Variants in CUX1 observed in about 807,000 individuals in gnomAD.
CUX1 encodes the protein protein CASP.
CUX1 carries 31 observed loss-of-function variants against 158.8 expected under a neutral mutation model. That is an observed-to-expected ratio of 0.20 (90% confidence interval 0.15 to 0.26). The LOEUF (loss-of-function observed/expected upper bound fraction) is 0.26. Ranked by LOEUF, CUX1 falls within the 10% of genes least tolerant of loss-of-function variation. The pLI, the probability that CUX1 is intolerant of heterozygous loss-of-function variation, is 1.00. For missense variants in CUX1, 1,589 were observed against 2,014.6 expected (o/e 0.79, Z 4.04); for synonymous variants, 879 against 862.1 (o/e 1.02, Z -0.34).
chr7:102,015,058 T>C (rs979436266), intron 2 of CUX1, among the ~76,000 whole-genome samples: 31 of 152,132 alleles, frequency 2.0e-4, no homozygotes, highest in Non-Finnish European at 4.1e-4. Context: ...CTAGTAAATA[T>C]TAATAAACAA....
intron 11 of CUX1, among the ~76,000 whole-genome samples, chr7:102,180,896 TTTTTATTTTATTTTA>T (rs781956443): frequency 1.4e-5 from 2 of 142,522 alleles, no homozygotes; most frequent in Non-Finnish European, 3.0e-5. Flanking sequence ...TTTTTTTAAA[TTTTTATTTTATTTTA>T]TTTTATTGTA....
At chr7:102,222,046 C>T (rs1449344701) in intron 20 of CUX1, among the ~76,000 whole-genome samples, 3 of 152,002 alleles carry the variant, frequency 2.0e-5, no homozygotes, top group African/African-American at 4.8e-5. Context: ...TTCGCTGGAG[C>T]CCAGGAGTTC....
chr7:102,212,630 CCCT>C (rs1223601758), intron 20 of CUX1, among the ~76,000 whole-genome samples: 13 of 152,124 alleles, frequency 8.5e-5, no homozygotes, highest in African/African-American at 2.9e-4. Context: ...CACCATCCCT[CCCT>C]CATCTTCCTG....
At chr7:102,101,968 T>C (rs1276478493) in intron 5 of CUX1, among the ~76,000 whole-genome samples, 1 of 151,910 alleles carries the variant, frequency 6.6e-6, no homozygotes, top group Non-Finnish European at 1.5e-5. Context: ...GTGTAGACCA[T>C]TGACGTAGCA....
intron 4 of CUX1, among the ~76,000 whole-genome samples, chr7:102,087,375 GT>G (rs1828054948): frequency 6.6e-6 from 1 of 152,152 alleles, no homozygotes; most frequent in Non-Finnish European, 1.5e-5. Flanking sequence ...GAGGTCAGCA[GT>G]TTTAGACCAG....
At chr7:102,270,928 C>A (rs946263952) in intron 14 of CUX1, among the ~76,000 whole-genome samples, 4 of 152,202 alleles carry the variant, frequency 2.6e-5, no homozygotes, top group Non-Finnish European at 4.4e-5. Flanking sequence ...GCACGGGGAC[C>A]AGGCCCACGC....
At chr7:101,829,669 G>A (rs944987154) in intron 1 of CUX1, among the ~76,000 whole-genome samples, 2 of 151,506 alleles carry the variant, frequency 1.3e-5, no homozygotes, top group African/African-American at 4.9e-5. Flanking sequence ...TGAGCAGCAG[G>A]GGATGGAAAT....
intron 1 of CUX1, among the ~76,000 whole-genome samples, chr7:101,818,444 T>G (rs539328624): frequency 4.7e-4 from 72 of 152,298 alleles, no homozygotes; most frequent in Non-Finnish European, 9.0e-4. Context: ...GCCTGGAAAA[T>G]GGATTTGGTT....
chr7:102,198,149 A>G (rs893595812), intron 15 of CUX1, among the ~76,000 whole-genome samples: 1 of 152,178 alleles, frequency 6.6e-6, no homozygotes, highest in Non-Finnish European at 1.5e-5. Flanking sequence ...GGTCCCAGCT[A>G]CTTGAGAGGC....
chr7:102,071,705 C>G (rs936034350), intron 4 of CUX1, among the ~76,000 whole-genome samples: 2 of 152,192 alleles, frequency 1.3e-5, no homozygotes, highest in African/African-American at 4.8e-5. Flanking sequence ...ACGGGCTTTG[C>G]TGTCCCCTCT....
intron 23 of CUX1, among the ~76,000 whole-genome samples, chr7:102,241,962 C>T (rs972058351): frequency 6.6e-6 from 1 of 152,056 alleles, no homozygotes; most frequent in Non-Finnish European, 1.5e-5. Flanking sequence ...AGAGCCAGAC[C>T]CTGTCTCAAA....
chr7:102,023,979 A>T (rs1819698054), intron 2 of CUX1, among the ~76,000 whole-genome samples: 1 of 152,228 alleles, frequency 6.6e-6, no homozygotes, highest in African/African-American at 2.4e-5. Context: ...TGCTTTATTT[A>T]AGGACATGAT....
chr7:102,110,388 A>ACT (rs140591814), intron 6 of CUX1, among the ~76,000 whole-genome samples: 1 of 151,868 alleles, frequency 6.6e-6, no homozygotes, highest in Non-Finnish European at 1.5e-5. Context: ...ATTCCACTAT[A>ACT]ATGTTACATA....
Position 102,201,748 on chromosome 7 carries a change from C to T in CUX1, c.2451C>T (p.Ser817=), listed in dbSNP as rs200033569. The change falls in exon 18 of 24, where the codon AGC becomes AGT. Residue 817 remains serine, a synonymous_variant. Coordinates refer to ENST00000292535, the MANE Select transcript of CUX1 (RefSeq NM_181552.4). This position sits in a 1 kb window ranked among gnomAD's most constrained non-coding sequence, Gnocchi z 5.0. The part of the protein sequence containing the change: ...LRQVKNEVGR[S]GAWKDHWWSA... ...AGGTGAAAAATGAGGTGGGCCGCAG[C>T]GGTGCCTGGAAGGACCACTGGTGGA... The T allele has an allele frequency of 8.5e-5, 137 of 1,612,542 alleles. 1 individual carries two copies. Among genetic ancestry groups the T allele is most frequent in the South Asian group, 7.2e-4 (66 of 91,076 alleles).
rs1224492513 is a variant in CUX1, at chr7:102,022,826, G to C, written c.142-5272G>C. Among the ~76,000 whole-genome samples the C allele has an allele frequency of 4.6e-5, 7 of 152,302 alleles. No individual in the cohort carries two copies. In the East Asian group the frequency reaches 1.3e-3, roughly 29 times the overall value. ...GTTTGTTGCTTTTTGCCCAATAGAT[G>C]GGATGGGATGGAAACAAGGTGAAAA... On this transcript the variant is annotated intron_variant, in intron 2 of 23. Coordinates refer to ENST00000292535, the MANE Select transcript of CUX1 (RefSeq NM_181552.4).
Position 102,250,256 on chromosome 7 carries a change from G to T in CUX1, c.*1214G>T, listed in dbSNP as rs1801352602. On this transcript the variant is annotated 3_prime_UTR_variant, in exon 24 of 24. Coordinates refer to ENST00000292535, the MANE Select transcript of CUX1 (RefSeq NM_181552.4). Reference sequence around the variant, plus strand: ...GTGCGTCTGCACGTGTGCAAGCATTGAAAGAAAGGAGAGAGTAGTCCGGGC... The same window carrying T: ...GTGCGTCTGCACGTGTGCAAGCATTTAAAGAAAGGAGAGAGTAGTCCGGGC... 3.0e-6 allele frequency: 3 copies of T among 985,288 alleles called. No individual in the cohort carries two copies. The highest frequency in any genetic ancestry group is 1.2e-4 in the Admixed American group (2 of 16,242). 61.0% of individuals were successfully genotyped at this position (985,288 alleles called of 1,614,324 possible). A position where few individuals can be genotyped will look rare whatever the true frequency, so the allele number is the denominator to read the frequency against.
At chr7:101,899,880 C>T (rs569774384) in intron 1 of CUX1, among the ~76,000 whole-genome samples, 8 of 152,228 alleles carry the variant, frequency 5.3e-5, no homozygotes, top group Admixed American at 1.3e-4. Context: ...CTGCCCCAGC[C>T]GAGGGCACTG....
intron 8 of CUX1, among the ~76,000 whole-genome samples, chr7:102,119,927 T>G (rs1831859163): frequency 6.6e-6 from 1 of 152,144 alleles, no homozygotes; most frequent in Non-Finnish European, 1.5e-5. Flanking sequence ...TCTTAGCAAA[T>G]GGAGATTTAC....
At chr7:102,182,146 G>A (rs373096454) in intron 11 of CUX1, among the ~76,000 whole-genome samples, 1 of 152,154 alleles carries the variant, frequency 6.6e-6, no homozygotes, top group Non-Finnish European at 1.5e-5. Flanking sequence ...CCCAGCTCTG[G>A]GCTCAGCTGT....
Sources: gnomAD v4.1 joint callset for allele counts (sites outside exome capture counted in the v4.1 genomes callset) on GRCh38, gnomAD v4.1.1 for gene constraint, Gnocchi (gnomAD v3.1) non-coding constraint, MANE v1.5 for transcripts, NCBI Gene and HGNC (gene_info 2026-07-23, HGNC 2026-07-21) for gene names.